MAP3K20: variants seen among roughly 807,000 people sequenced by gnomAD.
MAP3K20 encodes mitogen-activated protein kinase kinase kinase 20, also known as HCCS-4.
In MAP3K20, 40 loss-of-function variants were observed where a neutral mutation model predicts 85.7. The ratio of observed to expected loss-of-function variants is 0.47; its 90% confidence interval spans 0.36 to 0.61. The LOEUF is 0.61. Ranked by LOEUF, MAP3K20 falls within the 20% of genes least tolerant of loss-of-function variation. The probability of loss-of-function intolerance (pLI) is 0.00; values close to 1 mark genes in which losing one functional copy is unlikely to be tolerated. For synonymous variants in MAP3K20, 325 were observed against 327.7 expected (o/e 0.99, Z 0.09); for missense variants, 817 against 961.7 (o/e 0.85, Z 1.99).
intron 2 of MAP3K20, among the ~76,000 whole-genome samples, chr2:173,105,861 GTAAT>G (rs1687770812): frequency 6.6e-6 from 1 of 152,188 alleles, no homozygotes; most frequent in Non-Finnish European, 1.5e-5. Flanking sequence ...CAGTGTGAGT[GTAAT>G]TAACGCCCCT....
intron 2 of MAP3K20, among the ~76,000 whole-genome samples, chr2:173,110,778 G>C (rs1687951113): frequency 6.6e-6 from 1 of 152,132 alleles, no homozygotes; most frequent in Non-Finnish European, 1.5e-5. Flanking sequence ...TGGCTGTGTA[G>C]TATTCCATCA....
At chr2:173,211,013 CTGAGA>C (rs1354429567) in intron 10 of MAP3K20, 3 of 152,100 alleles carry the variant, frequency 2.0e-5, no homozygotes, top group Non-Finnish European at 2.9e-5. Context: ...TTTTTCTGGG[CTGAGA>C]TAATTAACAA....
At chr2:173,209,938 G>A in intron 10 of MAP3K20, 103 bp downstream of exon 10, 2 of 1,057,588 alleles carry the variant, frequency 1.9e-6, no homozygotes, top group Non-Finnish European at 2.9e-6. Flanking sequence ...CCTGATTTCT[G>A]ACCATAGCTT....
intron 3 of MAP3K20, among the ~76,000 whole-genome samples, chr2:173,179,955 G>A (rs1690277851): frequency 6.6e-6 from 1 of 152,078 alleles, no homozygotes. Context: ...TACAAAAATT[G>A]CTGAGAAAAT....
chr2:173,084,537 A>G (rs541956872), intron 1 of MAP3K20, among the ~76,000 whole-genome samples: 7 of 152,334 alleles, frequency 4.6e-5, no homozygotes, highest in African/African-American at 1.7e-4. Flanking sequence ...GACAAAAACC[A>G]AAAACGGCAG....
At chr2:173,104,750 C>T (rs1252468377) in intron 2 of MAP3K20, among the ~76,000 whole-genome samples, 2 of 151,966 alleles carry the variant, frequency 1.3e-5, no homozygotes, top group African/African-American at 2.4e-5. Context: ...GAAAATAGGG[C>T]AGAGTAAGGG....
At chr2:173,134,426 A>ATTTTTTTTTTTTTTTT (rs1457014949) in intron 2 of MAP3K20, among the ~76,000 whole-genome samples, 2 of 4,676 alleles carry the variant, frequency 4.3e-4, no homozygotes, top group Non-Finnish European at 8.7e-4. Flanking sequence ...ATATATATAT[A>ATTTTTTTTTTTTTTTT]TATTTTTTTT....
chr2:173,217,352 C>T lies in MAP3K20; in HGVS notation c.987+102C>T, dbSNP rs548698524. The stretch of plus-strand genomic sequence containing the variant: ...CTTCCCCTGCCTCCCGCCGCCCCCT[C>T]CTCATTTCCTGCCTCGCGCCCGTGT... On this transcript the variant is annotated intron_variant, in intron 11 of 19. Transcript: ENST00000375213. The T allele has an allele frequency of 7.6e-5, 99 of 1,297,096 alleles. No homozygotes were observed. The Middle Eastern group carries it at 1.6e-3, about 20-fold the overall frequency. The allele number at this position is 1,297,096 out of a possible 1,614,324, so 80.3% of individuals were successfully genotyped here.
chr2:173,180,475 C>G (rs918958040), intron 3 of MAP3K20, among the ~76,000 whole-genome samples: 12 of 152,190 alleles, frequency 7.9e-5, no homozygotes, highest in African/African-American at 2.4e-4. Context: ...GAGTTCAAGA[C>G]CAGCCTGAGC....
At chr2:173,224,027 A>G (rs1684321757) in intron 11 of MAP3K20, 2 of 983,718 alleles carry the variant, frequency 2.0e-6, no homozygotes, top group African/African-American at 3.5e-5. Flanking sequence ...GTTCTGGAAG[A>G]TAGCTAGATG....
intron 2 of MAP3K20, among the ~76,000 whole-genome samples, chr2:173,163,058 T>C (rs1689711102): frequency 6.6e-6 from 1 of 152,190 alleles, no homozygotes; most frequent in African/African-American, 2.4e-5. Flanking sequence ...TGAACTCAAT[T>C]TTATTTTTAC....
chr2:173,179,076 T>C (rs189941862), intron 3 of MAP3K20, among the ~76,000 whole-genome samples: 9 of 152,248 alleles, frequency 5.9e-5, no homozygotes, highest in Non-Finnish European at 7.4e-5. Context: ...AGAAAAAGCA[T>C]TTGACAGACA....
chr2:173,208,806 T>C (rs2106301550), intron 9 of MAP3K20, among the ~76,000 whole-genome samples: 1 of 152,336 alleles, frequency 6.6e-6, no homozygotes, highest in Non-Finnish European at 1.5e-5. Flanking sequence ...TATAATTTGT[T>C]CAGTAATGGC....
At chr2:173,098,074 G>A (rs1687515128) in intron 2 of MAP3K20, among the ~76,000 whole-genome samples, 1 of 152,154 alleles carries the variant, frequency 6.6e-6, no homozygotes, top group African/African-American at 2.4e-5. Flanking sequence ...ACACGTTAAA[G>A]AAGAATAATG....
Position 173,075,866 on chromosome 2 carries a change from AG to A in MAP3K20, c.-169del. ...TCTTCCTCATTGGCGCCGTGCAGAG[AG>A]GCGGAATGTTCAACTCCTAACTGCA... On this transcript the variant is annotated 5_prime_UTR_variant, in exon 1 of 20. Transcript: ENST00000375213. 1 of 985,164 alleles carries A rather than the reference AG, an allele frequency of 1.0e-6. No homozygotes were observed. The highest frequency in any genetic ancestry group is 1.2e-6 in the Non-Finnish European group (1 of 829,874). 61.0% of individuals were successfully genotyped at this position (985,164 alleles called of 1,614,324 possible).
rs138340963 is a variant in MAP3K20, at chr2:173,126,283, A to G, written c.159+35093A>G. Among the ~76,000 whole-genome samples the G allele has an allele frequency of 2.8e-4, 42 of 152,342 alleles. No individual in the cohort carries two copies. In the East Asian group the frequency reaches 8.1e-3, roughly 29 times the overall value. On this transcript the variant is annotated intron_variant, in intron 2 of 19. Coordinates refer to ENST00000375213, the MANE Select transcript of MAP3K20 (RefSeq NM_016653.3). ...AAAAGAATGTCTGACGTTGGGCAAG[A>G]AAGAGATGATTCTATGGTATTCTAG...
chr2:173,227,625 C>T (rs1481186843), intron 11 of MAP3K20, among the ~76,000 whole-genome samples: 1 of 152,170 alleles, frequency 6.6e-6, no homozygotes, highest in African/African-American at 2.4e-5. Flanking sequence ...CAACCAACCC[C>T]CTCTCCTTTC....
At chr2:173,262,033 A>AT (rs1558917023) in intron 18 of MAP3K20, among the ~76,000 whole-genome samples, 1 of 151,014 alleles carries the variant, frequency 6.6e-6, no homozygotes, top group Non-Finnish European at 1.5e-5. Flanking sequence ...AAAAAAAAAA[A>AT]TACTGAAAGA....
intron 1 of MAP3K20, among the ~76,000 whole-genome samples, chr2:173,086,415 CA>C (rs1687147980): frequency 3.3e-5 from 5 of 152,168 alleles, no homozygotes; most frequent in Admixed American, 2.6e-4. Context: ...GTGGAAATCT[CA>C]ACCAAGTTTT....
Sources: allele counts gnomAD v4.1 joint callset (sites outside exome capture counted in the v4.1 genomes callset), GRCh38; gene constraint gnomAD v4.1.1; transcripts MANE v1.5; gene names NCBI Gene and HGNC (gene_info 2026-07-23, HGNC 2026-07-21).